CTNNA2: variants seen among roughly 807,000 people sequenced by gnomAD.
The protein encoded by CTNNA2 is catenin alpha 2.
CTNNA2 carries 42 observed loss-of-function variants against 101.0 expected under a neutral mutation model. The observed-to-expected ratio is 0.42, with a 90% confidence interval of 0.32 to 0.54. The LOEUF is 0.54. Among genes scored for constraint, CTNNA2 ranks in the 20% least tolerant of loss-of-function variants. CTNNA2 has a pLI of 0.14. For missense variants in CTNNA2, 871 were observed against 1,223.1 expected (o/e 0.71, Z 4.29); for synonymous variants, 450 against 456.4 (o/e 0.99, Z 0.18).
At chr2:80,563,322 C>T (rs1433912174) in intron 12 of CTNNA2, among the ~76,000 whole-genome samples, 2 of 152,160 alleles carry the variant, frequency 1.3e-5, no homozygotes, top group African/African-American at 4.8e-5. Context: ...GGGAAACTGC[C>T]ACATCAGTGA....
intron 7 of CTNNA2, among the ~76,000 whole-genome samples, chr2:80,279,099 A>G (rs1194284022): frequency 7.3e-6 from 1 of 136,594 alleles, no homozygotes; most frequent in Non-Finnish European, 1.7e-5. Flanking sequence ...ACAGAGAGAG[A>G]GAGAGAGAAG....
At chr2:80,586,342 G>T (rs1201331123) in intron 14 of CTNNA2, 1 of 152,208 alleles carries the variant, frequency 6.6e-6, no homozygotes, top group African/African-American at 2.4e-5. Context: ...ACAATGAAAT[G>T]TGCATTGCTT....
chr2:80,307,419 T>C (rs979177755), intron 7 of CTNNA2, among the ~76,000 whole-genome samples: 1 of 152,142 alleles, frequency 6.6e-6, no homozygotes. Flanking sequence ...TCGATATGGC[T>C]GTTTTTCATG....
chr2:79,619,291 CTAAG>C (rs1678846778), intron 1 of CTNNA2, among the ~76,000 whole-genome samples: 1 of 152,146 alleles, frequency 6.6e-6, no homozygotes, highest in Non-Finnish European at 1.5e-5. Flanking sequence ...TGGGAAAAGA[CTAAG>C]AAAGAAGAAG....
chr2:79,301,498 C>G (rs753885343), intron 2 of CTNNA2, among the ~76,000 whole-genome samples: 11 of 152,192 alleles, frequency 7.2e-5, no homozygotes, highest in Non-Finnish European at 1.3e-4. Flanking sequence ...GCAGAAGGAA[C>G]CTGGAGTGGA....
At chr2:80,494,303 T>C (rs1422195954) in intron 9 of CTNNA2, among the ~76,000 whole-genome samples, 1 of 152,170 alleles carries the variant, frequency 6.6e-6, no homozygotes, top group African/African-American at 2.4e-5. Flanking sequence ...GCAAAGTCAC[T>C]GGACAGGAAG....
rs1705509152 is a variant in CTNNA2 at position 80,178,017 on chromosome 2, C to T, written c.1057-215194C>T. On this transcript the variant is annotated intron_variant, in intron 7 of 18. Coordinates refer to ENST00000402739, the MANE Select transcript of CTNNA2 (RefSeq NM_001282597.3). The stretch of plus-strand genomic sequence containing the variant: ...GCAGCTGTCCACTTTCAGGTGGTGC[C>T]TGCATATTGCACAAAGCCTGTGTAA... Among the ~76,000 whole-genome samples the T allele has an allele frequency of 1.3e-5, 2 of 152,222 alleles. 1 individual carries two copies. Among genetic ancestry groups the T allele is most frequent in the South Asian group, 4.1e-4 (2 of 4,838 alleles).
chr2:79,933,379 C>G (rs1687576338), intron 7 of CTNNA2, among the ~76,000 whole-genome samples: 1 of 151,948 alleles, frequency 6.6e-6, no homozygotes, highest in Non-Finnish European at 1.5e-5. Flanking sequence ...AAAATTGAAT[C>G]TCACAGAGTT....
intron 7 of CTNNA2, among the ~76,000 whole-genome samples, chr2:80,238,426 T>C (rs1200352417): frequency 6.6e-6 from 1 of 152,168 alleles, no homozygotes; most frequent in Non-Finnish European, 1.5e-5. Flanking sequence ...TAGAAGCCCT[T>C]GAGTCTTGAC....
intron 12 of CTNNA2, chr2:80,572,808 C>A (rs1309372998): frequency 6.7e-6 from 1 of 148,502 alleles, no homozygotes; most frequent in Non-Finnish European, 1.5e-5. Context: ...TATAGAGAAC[C>A]AATTATAGTA....
intron 2 of CTNNA2, among the ~76,000 whole-genome samples, chr2:79,289,171 A>G (rs1041830751): frequency 4.6e-5 from 7 of 152,262 alleles, no homozygotes; most frequent in African/African-American, 1.4e-4. Flanking sequence ...TGTCTTTGTG[A>G]TTCGAGAGGG....
chr2:79,611,300 C>G (rs1391381190), intron 1 of CTNNA2, among the ~76,000 whole-genome samples: 1 of 152,036 alleles, frequency 6.6e-6, no homozygotes, highest in African/African-American at 2.4e-5. Context: ...TGTAGCTGGG[C>G]TCCTATTATG....
At chr2:80,583,690 C>G (rs970443173) in intron 14 of CTNNA2, among the ~76,000 whole-genome samples, 1 of 152,120 alleles carries the variant, frequency 6.6e-6, no homozygotes, top group African/African-American at 2.4e-5. Flanking sequence ...ATGGCATGAA[C>G]AGTCCCACTT....
intron 2 of CTNNA2, among the ~76,000 whole-genome samples, chr2:79,280,699 G>T (rs1463122612): frequency 7.1e-6 from 1 of 140,680 alleles, no homozygotes; most frequent in African/African-American, 2.6e-5. Flanking sequence ...GAGAGAGAGA[G>T]AGACCTATAG....
At position 79,882,357 on chromosome 2, in the gene CTNNA2, C is replaced by A. The variant is rs1193180192; in HGVS notation, c.852+8015C>A. On this transcript the variant is annotated intron_variant, in intron 6 of 18. Transcript: ENST00000402739. ...ACAGACACTGTGGCCACCCCTCCCC[C>A]TAGGGGCTCAGGCCCAGAGAGATCC... is the stretch of plus-strand genomic sequence containing the variant. 2.6e-5 allele frequency among the ~76,000 whole-genome samples: 4 copies of A among 152,306 alleles called. No individual in the cohort carries two copies. The South Asian group carries it at 8.3e-4, about 32-fold the overall frequency.
intron 7 of CTNNA2, among the ~76,000 whole-genome samples, chr2:80,158,708 G>T (rs1338984287): frequency 6.6e-6 from 1 of 152,158 alleles, no homozygotes; most frequent in Non-Finnish European, 1.5e-5. Flanking sequence ...AGGAGATCTA[G>T]ACCATCCTGG....
At chr2:79,210,115 T>TGTGTGTGTGTG in intron 2 of CTNNA2, among the ~76,000 whole-genome samples, 1 of 151,788 alleles carries the variant, frequency 6.6e-6, no homozygotes, top group Admixed American at 6.6e-5. Flanking sequence ...TGTGTGTGTG[T>TGTGTGTGTGTG]TTAAGCAGAA....
At chr2:79,338,575 A>ATCCTCTTCT (rs1239699778) in intron 3 of CTNNA2, among the ~76,000 whole-genome samples, 7 of 115,422 alleles carry the variant, frequency 6.1e-5, no homozygotes, top group Non-Finnish European at 1.3e-4. Flanking sequence ...CTTCCTCCTC[A>ATCCTCTTCT]TCATCTTCTT....
At chr2:79,944,571 A>G (rs1688368788) in intron 7 of CTNNA2, among the ~76,000 whole-genome samples, 2 of 152,308 alleles carry the variant, frequency 1.3e-5, no homozygotes, top group African/African-American at 4.8e-5. Context: ...AGTGACCACA[A>G]AGTACAGTGC....
Sources: gnomAD v4.1 joint callset for allele counts (sites outside exome capture counted in the v4.1 genomes callset) on GRCh38, gnomAD v4.1.1 for gene constraint, MANE v1.5 for transcripts, NCBI Gene and HGNC (gene_info 2026-07-23, HGNC 2026-07-21) for gene names.